Variants in HNRNPK observed in about 807,000 individuals in gnomAD.
HNRNPK encodes the protein dC-stretch binding protein.
HNRNPK carries 7 observed loss-of-function variants against 67.0 expected under a neutral mutation model. The ratio of observed to expected loss-of-function variants is 0.10; its 90% CI spans 0.06 to 0.20. HNRNPK has a LOEUF of 0.20. HNRNPK is among the 10% of genes least tolerant of loss of function. The probability of loss-of-function intolerance (pLI) is 1.00; values close to 1 mark genes in which losing one functional copy is unlikely to be tolerated. For synonymous variants in HNRNPK, 213 were observed against 193.7 expected (o/e 1.10, Z -0.83); for missense variants, 264 against 606.5 (o/e 0.44, Z 5.93).
rs568410384 is a variant in HNRNPK at position 83,971,063 on chromosome 9, T to G, written c.1093-151A>C. The G allele has an allele frequency of 8.9e-6, 7 of 789,638 alleles. No homozygotes were observed. The South Asian group carries it at 1.1e-4, about 12-fold the overall frequency. 48.9% of individuals were successfully genotyped at this position (789,638 alleles called of 1,614,324 possible). A position where few individuals can be genotyped will look rare whatever the true frequency, so the allele number is the denominator to read the frequency against. On this transcript the variant is annotated intron_variant, in intron 13 of 16. Coordinates refer to ENST00000376263, the MANE Select transcript of HNRNPK (RefSeq NM_031263.4). Reference sequence around the variant, plus strand: ...CTCAAGTGATCCTCCTGCCTCAGACTCTTTTGTAGTTGGGATTATGAGTGA... The same window carrying G: ...CTCAAGTGATCCTCCTGCCTCAGACGCTTTTGTAGTTGGGATTATGAGTGA...
intron 1 of HNRNPK, among the ~76,000 whole-genome samples, chr9:83,979,174 G>A (rs1957228819): frequency 1.3e-5 from 2 of 152,176 alleles, no homozygotes; most frequent in African/African-American, 4.8e-5. Context: ...CTTCCCTCTT[G>A]TCGGGACTAG....
intron 16 of HNRNPK, 21 bp downstream of exon 16, chr9:83,970,141 C>T: frequency 1.9e-6 from 3 of 1,592,110 alleles, no homozygotes; most frequent in African/African-American, 1.3e-5. Flanking sequence ...TAAGCTAACA[C>T]AAAGCTAAAC....
intron 10 of HNRNPK, 53 bp downstream of exon 10, chr9:83,972,791 G>T: frequency 2.8e-6 from 4 of 1,424,284 alleles, no homozygotes; most frequent in Middle Eastern, 2.6e-4. Context: ...TTTGCAGAAG[G>T]TTATCACTTT....
At chr9:83,976,861 T>C (rs530162882) in intron 5 of HNRNPK, 134 bp downstream of exon 5, 2 of 563,836 alleles carry the variant, frequency 3.5e-6, no homozygotes, top group Non-Finnish European at 6.1e-6. Context: ...TCGAAATCAA[T>C]TCTGTAATAA....
intron 7 of HNRNPK, 49 bp downstream of exon 7, chr9:83,974,468 A>T: frequency 1.1e-6 from 1 of 898,006 alleles, no homozygotes; most frequent in Non-Finnish European, 1.8e-6. Context: ...CATACTTTAA[A>T]CATTCCCCCC....
At chr9:83,975,750 G>C in intron 5 of HNRNPK, 1 of 571,676 alleles carries the variant, frequency 1.7e-6, no homozygotes, top group East Asian at 2.9e-5. Context: ...AGGGGGAAAA[G>C]CAATAAATTT....
intron 16 of HNRNPK, 128 bp downstream of exon 16, chr9:83,970,034 T>C (rs989036276): frequency 1.5e-5 from 11 of 710,920 alleles, no homozygotes; most frequent in Non-Finnish European, 2.6e-5. Flanking sequence ...ACTATTAGAA[T>C]GTTTAGAAGT....
intron 1 of HNRNPK, among the ~76,000 whole-genome samples, chr9:83,979,139 T>A (rs1186721803): frequency 1.3e-5 from 2 of 152,192 alleles, no homozygotes; most frequent in Non-Finnish European, 2.9e-5. Flanking sequence ...AAACGGTCGA[T>A]AGGACTACAA....
intron 3 of HNRNPK, 50 bp downstream of exon 3, chr9:83,978,145 A>G (rs1468329218): frequency 8.1e-7 from 1 of 1,241,164 alleles, no homozygotes; most frequent in South Asian, 1.2e-5. Context: ...GAAAAAGGCA[A>G]TTTATTAACA....
At position 83,969,264 on chromosome 9, in the gene HNRNPK, A is replaced by C. The variant is rs1165293367; in HGVS notation, c.*143T>G. 3 of 730,552 alleles carry C rather than the reference A, an allele frequency of 4.1e-6. No homozygotes were observed. The highest frequency in any genetic ancestry group is 7.4e-6 in the Non-Finnish European group (3 of 405,176). The allele number at this position is 730,552 out of a possible 1,614,324, so 45.3% of individuals were successfully genotyped here. The stretch of plus-strand genomic sequence containing the variant: ...TTTCACTACACCTCAAATGCAGAAC[A>C]CCTATGAAGCAGAGGAATGTTGGCT... On this transcript the variant is annotated 3_prime_UTR_variant, in exon 17 of 17. Coordinates refer to ENST00000376263, the MANE Select transcript of HNRNPK (RefSeq NM_031263.4).
intron 10 of HNRNPK, 46 bp from the exon 11 acceptor site, chr9:83,972,235 C>CCTG (rs1332793561): frequency 1.4e-6 from 2 of 1,386,024 alleles, no homozygotes; most frequent in Non-Finnish European, 2.0e-6. Context: ...GAAAAAGAGT[C>CCTG]CTGCTTCATA....
Position 83,972,827 on chromosome 9 carries a change from A to G in HNRNPK, c.645+17T>C. 1 of 1,565,170 alleles carries G rather than the reference A, an allele frequency of 6.4e-7. No homozygotes were observed. The highest frequency in any genetic ancestry group is 8.6e-7 in the Non-Finnish European group (1 of 1,157,252). The stretch of plus-strand genomic sequence containing the variant: ...GTTTCATAAAATCAAATGTAAACAA[A>G]AAGTGTTCTGAAGTACCTCAGATAT... On this transcript the variant is annotated intron_variant, in intron 10 of 16. Coordinates refer to ENST00000376263, the MANE Select transcript of HNRNPK (RefSeq NM_031263.4).
Position 83,976,948 on chromosome 9 carries a change from T to C in HNRNPK, c.213+47A>G, listed in dbSNP as rs371906434. On this transcript the variant is annotated intron_variant, in intron 5 of 16. Transcript: ENST00000376263. ...GTAAATCTTTAAATTTCTATAGACA[T>C]ATAAACTGAAGCTGCTCGTGTAGTA... 1.2e-5 allele frequency: 13 copies of C among 1,097,718 alleles called. No homozygotes were observed. In the South Asian group the frequency reaches 1.4e-4, roughly 12 times the overall value. 68.0% of individuals were successfully genotyped at this position (1,097,718 alleles called of 1,614,324 possible).
rs748000179 is a variant in HNRNPK, at chr9:83,972,994, AAAT to A, written c.517-25_517-23del. Reference sequence around the variant, plus strand: ...TGTTCTGTAGTAAGATCATAAAAAAAAATAATAATAATTAGAAGAAAATTAGCT... The same window carrying A: ...TGTTCTGTAGTAAGATCATAAAAAAAAATAATAATTAGAAGAAAATTAGCT... On this transcript the variant is annotated intron_variant, in intron 9 of 16. Coordinates refer to ENST00000376263, the MANE Select transcript of HNRNPK (RefSeq NM_031263.4). 816 of 1,529,050 alleles carry A rather than the reference AAAT, an allele frequency of 5.3e-4. 1 individual carries two copies. The highest frequency in any genetic ancestry group is 6.6e-4 in the Non-Finnish European group (742 of 1,130,318). 94.7% of individuals were successfully genotyped at this position (1,529,050 alleles called of 1,614,324 possible).
Position 83,971,534 on chromosome 9 carries a change from GAATT to G in HNRNPK, c.1008+134_1008+137del, listed in dbSNP as rs140078616. ...CGTAATCCTCCAGCAGCAAATAACA[GAATT>G]ATTTAACTAGTAATCCAAACAAAAT... On this transcript the variant is annotated intron_variant, in intron 12 of 16. Coordinates refer to ENST00000376263, the MANE Select transcript of HNRNPK (RefSeq NM_031263.4). 2.1e-3 allele frequency: 1,764 copies of G among 836,264 alleles called. 7 individuals are homozygous for G. Among genetic ancestry groups the G allele is most frequent in the African/African-American group, 0.011 (627 of 58,998 alleles). The allele number at this position is 836,264 out of a possible 1,614,324, so 51.8% of individuals were successfully genotyped here.
chr9:83,976,945 A>C (rs761141113), intron 5 of HNRNPK, 50 bp downstream of exon 5: 1 of 991,220 alleles, frequency 1.0e-6, no homozygotes, highest in Non-Finnish European at 1.6e-6. Flanking sequence ...ATTTCTATAG[A>C]CATATAAACT....
chr9:83,971,314 T>C lies in HNRNPK; in HGVS notation c.1051A>G (p.Thr351Ala). ...ADETWDSAID[T>A]WSPSEWQMAY... ...ATCTGCCATTCTGATGGGCTCCATG[T>C]ATCTATTGCAGAGTCCCAAGTTTCA... The change falls in exon 13 of 17, where the codon ACA (threonine) becomes GCA (alanine). Residue 351 changes from threonine (T) to alanine (A), a missense_variant. Around this residue, in one of 6 missense-constraint regions of HNRNPK, gnomAD observed 142 missense variants for 256.5 expected, o/e 0.55. Coordinates refer to ENST00000376263, the MANE Select transcript of HNRNPK (RefSeq NM_031263.4). The C allele has an allele frequency of 2.5e-6, 4 of 1,612,930 alleles. No individual in the cohort carries two copies. The highest frequency in any genetic ancestry group is 3.4e-6 in the Non-Finnish European group (4 of 1,178,906).
chr9:83,979,225 CA>C (rs752257326), intron 1 of HNRNPK, among the ~76,000 whole-genome samples: 1 of 152,180 alleles, frequency 6.6e-6, no homozygotes, highest in Non-Finnish European at 1.5e-5. Context: ...GGCTAGACAG[CA>C]AAGAGCCAAC....
In HNRNPK at chr9:83,973,804, T is replaced by G. The variant is rs920413315; in HGVS notation, c.402+98A>C. 1.1e-5 allele frequency: 10 copies of G among 892,094 alleles called. No homozygotes were observed. In the African/African-American group the frequency reaches 1.7e-4, roughly 15 times the overall value. The allele number at this position is 892,094 out of a possible 1,614,324, so 55.3% of individuals were successfully genotyped here. ...TCATGTATCATGTTTTTAAGCCTTTTTCTATAGAGATGGGAAAAGCACACT... is the reference window on the plus strand; with the variant it reads ...TCATGTATCATGTTTTTAAGCCTTTGTCTATAGAGATGGGAAAAGCACACT... On this transcript the variant is annotated intron_variant, in intron 8 of 16. Coordinates refer to ENST00000376263, the MANE Select transcript of HNRNPK (RefSeq NM_031263.4).
Sources: gnomAD v4.1 joint callset for allele counts (sites outside exome capture counted in the v4.1 genomes callset) on GRCh38, gnomAD v4.1.1 for gene constraint, gnomAD v4.1.1 regional missense constraint, MANE v1.5 for transcripts, NCBI Gene and HGNC (gene_info 2026-07-23, HGNC 2026-07-21) for gene names.